RSRC1: variants seen among roughly 807,000 people sequenced by gnomAD.
RSRC1 encodes serine/Arginine-related protein 53.
RSRC1 carries 39 observed loss-of-function variants against 49.1 expected under a neutral mutation model. The observed-to-expected ratio is 0.79, with a 90% CI of 0.61 to 1.04. The LOEUF (loss-of-function observed/expected upper bound fraction) is 1.04, where lower values mean the gene tolerates loss of function less well. Among genes scored for constraint, RSRC1 ranks in the 50% least tolerant of loss-of-function variants. The pLI is 0.00. For missense variants in RSRC1, 388 were observed against 402.4 expected, an observed-to-expected ratio of 0.96 and a Z score of 0.31; for synonymous variants, 143 against 130.8, an observed-to-expected ratio of 1.09 and a Z score of -0.63.
chr3:158,247,544 T>A (rs1370776222), intron 4 of RSRC1, among the ~76,000 whole-genome samples: 1 of 152,200 alleles, frequency 6.6e-6, no homozygotes, highest in Non-Finnish European at 1.5e-5. Flanking sequence ...CCTTCGATTT[T>A]TGAGGTTGCT....
chr3:158,175,988 G>A (rs912784446), intron 3 of RSRC1, among the ~76,000 whole-genome samples: 1 of 152,012 alleles, frequency 6.6e-6, no homozygotes, highest in Non-Finnish European at 1.5e-5. Flanking sequence ...GGTCATTTAA[G>A]CTCTTCTCTA....
At chr3:158,340,308 C>T (rs529612451) in intron 5 of RSRC1, among the ~76,000 whole-genome samples, 13 of 152,194 alleles carry the variant, frequency 8.5e-5, no homozygotes, top group African/African-American at 1.4e-4. Context: ...TTTGGGAGGC[C>T]GAGGTGGGTG....
intron 6 of RSRC1, among the ~76,000 whole-genome samples, chr3:158,433,618 AAT>A (rs1442513780): frequency 6.6e-6 from 1 of 151,948 alleles, no homozygotes; most frequent in Non-Finnish European, 1.5e-5. Context: ...GTAGTAGCTA[AAT>A]AGTTGGGAAG....
At chr3:158,234,163 C>T (rs1723113306) in intron 4 of RSRC1, among the ~76,000 whole-genome samples, 1 of 152,136 alleles carries the variant, frequency 6.6e-6, no homozygotes, top group Non-Finnish European at 1.5e-5. Context: ...TTTGTATCAG[C>T]CAAGTCTCAA....
At chr3:158,474,891 C>T (rs935020818) in intron 7 of RSRC1, among the ~76,000 whole-genome samples, 4 of 151,658 alleles carry the variant, frequency 2.6e-5, no homozygotes, top group Admixed American at 1.3e-4. Context: ...CCTTTCATAG[C>T]ACTTATCACA....
intron 6 of RSRC1, among the ~76,000 whole-genome samples, chr3:158,457,282 A>G (rs1011850178): frequency 1.3e-5 from 2 of 152,228 alleles, no homozygotes; most frequent in African/African-American, 2.4e-5. Flanking sequence ...GTTGGATCCA[A>G]AAGAACTGCT....
intron 6 of RSRC1, among the ~76,000 whole-genome samples, chr3:158,399,661 G>A (rs1306294000): frequency 6.6e-6 from 1 of 152,056 alleles, no homozygotes; most frequent in East Asian, 1.9e-4. Flanking sequence ...AACTACATTT[G>A]GCTAGTAGCT....
intron 4 of RSRC1, among the ~76,000 whole-genome samples, chr3:158,263,123 A>G (rs1724989402): frequency 6.6e-6 from 1 of 152,088 alleles, no homozygotes; most frequent in Admixed American, 6.6e-5. Context: ...CTTAGGTAAT[A>G]TTCAGTCTTT....
intron 7 of RSRC1, among the ~76,000 whole-genome samples, chr3:158,527,135 C>T (rs1712090593): frequency 8.1e-6 from 1 of 123,746 alleles, no homozygotes; most frequent in Non-Finnish European, 1.6e-5. Context: ...CTCGCCGCTT[C>T]TGAATATACT....
intron 4 of RSRC1, chr3:158,276,354 A>G (rs1725815123): frequency 3.9e-6 from 3 of 771,562 alleles, no homozygotes; most frequent in South Asian, 1.3e-5. Flanking sequence ...GCAGACCCTC[A>G]GAAGAAAGCG....
intron 3 of RSRC1, among the ~76,000 whole-genome samples, chr3:158,133,626 A>C (rs1360805682): frequency 6.6e-6 from 1 of 152,258 alleles, no homozygotes; most frequent in African/African-American, 2.4e-5. Flanking sequence ...TATCTTCAGT[A>C]GAAAAATTGA....
chr3:158,205,391 A>G (rs1001471973), intron 4 of RSRC1, among the ~76,000 whole-genome samples: 2 of 152,168 alleles, frequency 1.3e-5, no homozygotes, highest in African/African-American at 4.8e-5. Flanking sequence ...ATATTTAAAT[A>G]TTGATTATCA....
chr3:158,245,674 G>C (rs1179078211), intron 4 of RSRC1, among the ~76,000 whole-genome samples: 1 of 152,024 alleles, frequency 6.6e-6, no homozygotes, highest in Non-Finnish European at 1.5e-5. Context: ...GAAGATCTCT[G>C]ACCCCTTACT....
At chr3:158,457,411 A>G (rs1737388249) in intron 6 of RSRC1, among the ~76,000 whole-genome samples, 1 of 152,188 alleles carries the variant, frequency 6.6e-6, no homozygotes, top group African/African-American at 2.4e-5. Flanking sequence ...AGGGAAGAGC[A>G]TCAGGTTTGA....
chr3:158,244,179 G>C (rs1723755178), intron 4 of RSRC1, among the ~76,000 whole-genome samples: 1 of 152,138 alleles, frequency 6.6e-6, no homozygotes, highest in South Asian at 2.1e-4. Flanking sequence ...GGAGTGGTGA[G>C]AGAGGGCATC....
intron 4 of RSRC1, among the ~76,000 whole-genome samples, chr3:158,246,147 AC>A (rs1232220542): frequency 3.3e-5 from 5 of 152,070 alleles, no homozygotes; most frequent in Non-Finnish European, 1.5e-5. Context: ...ATCGTTAAGA[AC>A]AAAAAACCAA....
intron 4 of RSRC1, among the ~76,000 whole-genome samples, chr3:158,229,258 GTA>G (rs1722774876): frequency 1.4e-5 from 2 of 140,192 alleles, no homozygotes; most frequent in African/African-American, 5.3e-5. Flanking sequence ...AAACATACAT[GTA>G]TATGTGTATG....
intron 3 of RSRC1, among the ~76,000 whole-genome samples, chr3:158,147,277 G>C (rs966315937): frequency 6.6e-6 from 1 of 151,838 alleles, no homozygotes; most frequent in African/African-American, 2.4e-5. Context: ...ATCTTGCTCT[G>C]TCACCCAGGT....
At chr3:158,329,505 C>T (rs1729406081) in intron 5 of RSRC1, among the ~76,000 whole-genome samples, 2 of 152,216 alleles carry the variant, frequency 1.3e-5, no homozygotes, top group South Asian at 4.1e-4. Context: ...AGGTCCACTC[C>T]AGCCCCTGTT....
Sources: gnomAD v4.1 joint callset for allele counts (sites outside exome capture counted in the v4.1 genomes callset) on GRCh38, gnomAD v4.1.1 for gene constraint, MANE v1.5 for transcripts, NCBI Gene and HGNC (gene_info 2026-07-23, HGNC 2026-07-21) for gene names.